Variants in PAK3 observed in about 807,000 individuals in gnomAD.
PAK3 encodes serine/threonine-protein kinase PAK 3.
PAK3 carries 4 observed loss-of-function variants against 41.0 expected under a neutral mutation model. The observed-to-expected ratio is 0.10, with a 90% CI of 0.05 to 0.22. PAK3 has a LOEUF of 0.22. Among genes scored for constraint, PAK3 ranks in the 10% least tolerant of loss-of-function variants. PAK3 has a pLI of 1.00. For missense variants in PAK3, 205 were observed against 409.9 expected (o/e 0.50, Z 4.32); for synonymous variants, 146 against 139.6 (o/e 1.05, Z -0.32).
intron 1 of PAK3, among the ~76,000 whole-genome samples, chrX:110,972,875 T>G (rs1437819764): frequency 9.0e-6 from 1 of 111,424 alleles, no homozygotes; most frequent in Non-Finnish European, 1.9e-5. Flanking sequence ...TCAAAGGACC[T>G]GATGGAGCTG....
intron 11 of PAK3, among the ~76,000 whole-genome samples, chrX:111,187,345 A>T (rs1165454396): frequency 2.7e-5 from 3 of 112,224 alleles, no homozygotes; most frequent in Admixed American, 9.5e-5. Context: ...AATGTAATGA[A>T]TATGTTAGGA....
intron 4 of PAK3, among the ~76,000 whole-genome samples, chrX:111,119,394 G>A (rs2093528023): frequency 8.9e-6 from 1 of 111,938 alleles, no homozygotes; most frequent in Admixed American, 9.5e-5. Flanking sequence ...CTAAGGGCCA[G>A]TCTCTAAAAG....
chrX:110,959,634 G>T (rs1208992368), intron 1 of PAK3, among the ~76,000 whole-genome samples: 1 of 111,185 alleles, frequency 9.0e-6, no homozygotes, highest in Non-Finnish European at 1.9e-5. Flanking sequence ...GCTACTCCAG[G>T]TGATACTAGT....
chrX:111,114,071 G>C (rs1362620939), intron 4 of PAK3, among the ~76,000 whole-genome samples: 1 of 112,288 alleles, frequency 8.9e-6, no homozygotes, highest in African/African-American at 3.2e-5. Flanking sequence ...ATTATGAATA[G>C]TGCTGCAATA....
intron 3 of PAK3, among the ~76,000 whole-genome samples, chrX:111,102,940 C>T (rs1007854966): frequency 9.0e-6 from 1 of 111,603 alleles, no homozygotes; most frequent in African/African-American, 3.3e-5. Flanking sequence ...ACTTCTTAGC[C>T]CTCTGATTTT....
intron 6 of PAK3, among the ~76,000 whole-genome samples, chrX:111,143,891 T>C (rs1174778008): frequency 8.9e-6 from 1 of 111,752 alleles, no homozygotes; most frequent in Non-Finnish European, 1.9e-5. Flanking sequence ...TTTCTTTTCT[T>C]TTTTCTTCCT....
intron 4 of PAK3, among the ~76,000 whole-genome samples, chrX:111,112,158 A>C (rs1390897257): frequency 2.7e-5 from 3 of 111,427 alleles, no homozygotes; most frequent in Non-Finnish European, 5.6e-5. Context: ...ACCTCTTCAT[A>C]TACACAAGAG....
At chrX:111,187,933 T>A (rs1284037547) in intron 11 of PAK3, among the ~76,000 whole-genome samples, 1 of 89,084 alleles carries the variant, frequency 1.1e-5, no homozygotes, top group African/African-American at 4.4e-5. Flanking sequence ...AGAACCAGGG[T>A]ACAGGGTAGG....
intron 1 of PAK3, among the ~76,000 whole-genome samples, chrX:110,967,352 C>G (rs1291031990): frequency 1.8e-5 from 2 of 111,977 alleles, no homozygotes; most frequent in Non-Finnish European, 3.8e-5. Context: ...GTGCAAGATT[C>G]TTGTTTTGGG....
chrX:111,186,811 G>T (rs989900103), intron 11 of PAK3, among the ~76,000 whole-genome samples: 1 of 111,639 alleles, frequency 9.0e-6, no homozygotes, highest in African/African-American at 3.2e-5. Context: ...ACCAAAAAAA[G>T]ACACCAACTT....
At chrX:110,994,567 G>T (rs901858342) in intron 1 of PAK3, among the ~76,000 whole-genome samples, 8 of 111,607 alleles carry the variant, frequency 7.2e-5, no homozygotes, top group African/African-American at 2.6e-4. Flanking sequence ...ACACTTGCTG[G>T]TCCCTGAATA....
chrX:111,179,589 C>A (rs2094444138), intron 11 of PAK3, among the ~76,000 whole-genome samples: 1 of 111,308 alleles, frequency 9.0e-6, no homozygotes, highest in Non-Finnish European at 1.9e-5. Flanking sequence ...ATTTAACTCC[C>A]AGTCTATAAT....
rs748627935 is a variant in PAK3, at chrX:111,221,294, T to C, written c.*847T>C. 4.6e-5 allele frequency: 5 copies of C among 108,359 alleles called. No homozygotes were observed. The highest frequency in any genetic ancestry group is 1.8e-4 in the African/African-American group (5 of 27,469). The allele number at this position is 108,359 out of a possible 1,213,427, so 8.9% of individuals were successfully genotyped here. On this transcript the variant is annotated 3_prime_UTR_variant, in exon 18 of 18. Transcript: ENST00000372007. ...TAAACCAGGTTGTTAATCTCCTTAA[T>C]ACCTGAAAGAGGACACACTGAAACT...
chrX:111,009,769 C>A (rs1176200724), intron 1 of PAK3, among the ~76,000 whole-genome samples: 1 of 112,241 alleles, frequency 8.9e-6, no homozygotes, highest in East Asian at 2.8e-4. Flanking sequence ...ATTATTCCTG[C>A]ATGCCAAGCA....
At position 111,227,080 on chromosome X, in the gene PAK3, T is replaced by C. The variant is rs2094956826; in HGVS notation, c.*6633T>C. On this transcript the variant is annotated 3_prime_UTR_variant, in exon 18 of 18. Coordinates refer to ENST00000372007, the MANE Select transcript of PAK3 (RefSeq NM_002578.5). ...CTGTAAACCATGTGTAGTGAAATTCTTCTGTAACTTTGGATTAAAGGTATT... is the reference window on the plus strand; with the variant it reads ...CTGTAAACCATGTGTAGTGAAATTCCTCTGTAACTTTGGATTAAAGGTATT... 8.9e-6 allele frequency: 1 copy of C among 112,568 alleles called. No homozygotes were observed. 9.3% of individuals were successfully genotyped at this position (112,568 alleles called of 1,213,427 possible).
At chrX:111,006,016 G>C (rs2091916969) in intron 1 of PAK3, among the ~76,000 whole-genome samples, 1 of 111,263 alleles carries the variant, frequency 9.0e-6, no homozygotes, top group Admixed American at 9.6e-5. Flanking sequence ...CCCAGCAATA[G>C]ACAGGGGTCA....
At chrX:111,131,862 C>T (rs1473507953) in intron 5 of PAK3, among the ~76,000 whole-genome samples, 2 of 111,973 alleles carry the variant, frequency 1.8e-5, no homozygotes, top group East Asian at 5.6e-4. Flanking sequence ...ATAGGAAGAA[C>T]TATTCTGAGA....
intron 8 of PAK3, among the ~76,000 whole-genome samples, chrX:111,162,111 TTAATGATGC>T (rs1413814078): frequency 9.0e-6 from 1 of 111,553 alleles, no homozygotes; most frequent in Non-Finnish European, 1.9e-5. Context: ...AACAAGTTCC[TTAATGATGC>T]TAATGATGCT....
At chrX:111,026,522 G>C (rs1000805350) in intron 1 of PAK3, among the ~76,000 whole-genome samples, 1 of 111,045 alleles carries the variant, frequency 9.0e-6, no homozygotes, top group African/African-American at 3.3e-5. Context: ...TGACCAAGCT[G>C]AGATCAAATA....
Sources: allele counts gnomAD v4.1 joint callset (sites outside exome capture counted in the v4.1 genomes callset), GRCh38; gene constraint gnomAD v4.1.1; transcripts MANE v1.5; gene names NCBI Gene and HGNC (gene_info 2026-07-23, HGNC 2026-07-21).